Variants in KIAA1958 observed in about 807,000 individuals in gnomAD.
KIAA1958 encodes uncharacterized protein KIAA1958.
In KIAA1958, 14 loss-of-function variants were observed where a neutral mutation model predicts 47.2. That is an observed-to-expected ratio of 0.30 (90% CI 0.20 to 0.46). The LOEUF is 0.46. Ranked by LOEUF, KIAA1958 falls within the 20% of genes least tolerant of loss-of-function variation. The probability of loss-of-function intolerance (pLI) is 1.00; values close to 1 mark genes in which losing one functional copy is unlikely to be tolerated. For synonymous variants in KIAA1958, 354 were observed against 353.3 expected (o/e 1.00, Z -0.02); for missense variants, 803 against 909.2 (o/e 0.88, Z 1.50).
intron 2 of KIAA1958, among the ~76,000 whole-genome samples, chr9:112,597,767 G>T (rs1050608598): frequency 7.9e-5 from 12 of 152,152 alleles, no homozygotes; most frequent in African/African-American, 2.9e-4. Context: ...TATGCAAATA[G>T]TAAAGTTTCT....
At position 112,524,361 on chromosome 9, in the gene KIAA1958, G is replaced by A. The variant is rs565339975; in HGVS notation, c.-25+37243G>A. On this transcript the variant is annotated intron_variant, in intron 1 of 3. Transcript: ENST00000337530. ...AATTCATGGCTTTGGCGTGCTCCGC[G>A]CTTGAAGGGGGTCTAGTTTAGTGAC... Among the ~76,000 whole-genome samples, 3 of 152,346 alleles carry A rather than the reference G, an allele frequency of 2.0e-5. No individual in the cohort carries two copies. The East Asian group carries it at 5.8e-4, about 29-fold the overall frequency.
chr9:112,489,508 T>A (rs1445893795), intron 1 of KIAA1958, among the ~76,000 whole-genome samples: 1 of 150,828 alleles, frequency 6.6e-6, no homozygotes, highest in Non-Finnish European at 1.5e-5. Context: ...TAGATAAGAA[T>A]TTTTTGTTTT....
chr9:112,583,470 T>G (rs1269668099), intron 2 of KIAA1958, among the ~76,000 whole-genome samples: 1 of 152,194 alleles, frequency 6.6e-6, no homozygotes, highest in Non-Finnish European at 1.5e-5. Flanking sequence ...AATTCAATTT[T>G]TAAATGCCTG....
intron 3 of KIAA1958, among the ~76,000 whole-genome samples, chr9:112,646,851 TACTG>T (rs1449401951): frequency 1.3e-5 from 2 of 152,192 alleles, no homozygotes; most frequent in Non-Finnish European, 2.9e-5. Flanking sequence ...AACATAAAGG[TACTG>T]TATTTTGATT....
rs538587113 is a variant in KIAA1958, at chr9:112,508,919, T to C, written c.-25+21801T>C. On this transcript the variant is annotated intron_variant, in intron 1 of 3. Coordinates refer to ENST00000337530, the MANE Select transcript of KIAA1958 (RefSeq NM_133465.4). ...AGGCCATTCACTAATATAGTACTTT[T>C]GCAAAATGAGCAAACATAGCCTGCA... is the stretch of plus-strand genomic sequence containing the variant. Among the ~76,000 whole-genome samples the C allele has an allele frequency of 2.0e-5, 3 of 152,300 alleles. No homozygotes were observed. In the South Asian group the frequency reaches 6.2e-4, roughly 32 times the overall value.
At position 112,635,315 on chromosome 9, in the gene KIAA1958, A is replaced by G. The variant is rs567004187; in HGVS notation, c.1172-10335A>G. ...ACTGAGGCTGGAGTGCAGTGGTGCA[A>G]TCTCGGTTCACTACAACCTCTGCCT... On this transcript the variant is annotated intron_variant, in intron 2 of 3. Coordinates refer to ENST00000337530, the MANE Select transcript of KIAA1958 (RefSeq NM_133465.4). Among the ~76,000 whole-genome samples the G allele has an allele frequency of 2.0e-5, 3 of 147,770 alleles. No homozygotes were observed. In the East Asian group the frequency reaches 6.1e-4, roughly 30 times the overall value.
intron 1 of KIAA1958, among the ~76,000 whole-genome samples, chr9:112,536,691 G>A (rs1475433823): frequency 1.3e-5 from 2 of 152,182 alleles, no homozygotes; most frequent in Non-Finnish European, 2.9e-5. Context: ...GCTGAGGTGA[G>A]GATTGCTTGA....
intron 2 of KIAA1958, among the ~76,000 whole-genome samples, chr9:112,611,802 G>A (rs1220880302): frequency 1.3e-5 from 2 of 152,006 alleles, no homozygotes; most frequent in South Asian, 2.1e-4. Flanking sequence ...AGAGTAAGGA[G>A]GGGATTGAAT....
chr9:112,538,042 G>T (rs750018169), intron 1 of KIAA1958, among the ~76,000 whole-genome samples: 15 of 152,062 alleles, frequency 9.9e-5, no homozygotes, highest in Admixed American at 3.9e-4. Context: ...ATTAAAAAGG[G>T]CATGTCAGGT....
chr9:112,495,703 A>G (rs1051018783), intron 1 of KIAA1958, among the ~76,000 whole-genome samples: 3 of 152,218 alleles, frequency 2.0e-5, no homozygotes, highest in Non-Finnish European at 2.9e-5. Flanking sequence ...ACCCAAATAT[A>G]TGGACTAGAA....
At chr9:112,518,769 AG>A (rs1834484212) in intron 1 of KIAA1958, among the ~76,000 whole-genome samples, 1 of 152,218 alleles carries the variant, frequency 6.6e-6, no homozygotes, top group African/African-American at 2.4e-5. Context: ...AAAGTAAAAT[AG>A]GAAAGAACAG....
At position 112,668,235 on chromosome 9, in the gene KIAA1958, G is replaced by T. The variant is rs746316981; in HGVS notation, c.*8166G>T. The T allele has an allele frequency of 6.6e-6, 1 of 152,092 alleles. No individual in the cohort carries two copies. The highest frequency in any genetic ancestry group is 2.4e-5 in the African/African-American group (1 of 41,398). The allele number at this position is 152,092 out of a possible 1,614,324, so 9.4% of individuals were successfully genotyped here. On this transcript the variant is annotated 3_prime_UTR_variant, in exon 4 of 4. Transcript: ENST00000337530. ...CCCATGTGCTTCTCCATGCTCAAAC[G>T]CAGAACTAAAAATGGGTATAAAGTC...
At chr9:112,636,381 A>G (rs1023754010) in intron 2 of KIAA1958, among the ~76,000 whole-genome samples, 2 of 152,032 alleles carry the variant, frequency 1.3e-5, no homozygotes, top group Admixed American at 1.3e-4. Flanking sequence ...GTTCTTCTTT[A>G]TGTATCAATT....
chr9:112,606,471 C>A (rs753363087), intron 2 of KIAA1958, among the ~76,000 whole-genome samples: 20 of 152,220 alleles, frequency 1.3e-4, no homozygotes, highest in Non-Finnish European at 2.6e-4. Flanking sequence ...TTATTAATCA[C>A]AGCTTCCTTA....
At chr9:112,605,363 C>T (rs1836212220) in intron 2 of KIAA1958, among the ~76,000 whole-genome samples, 1 of 152,090 alleles carries the variant, frequency 6.6e-6, no homozygotes, top group Non-Finnish European at 1.5e-5. Context: ...CTTGGATGTT[C>T]TCCTGTTCCC....
At chr9:112,515,388 C>T (rs1834408843) in intron 1 of KIAA1958, among the ~76,000 whole-genome samples, 1 of 148,900 alleles carries the variant, frequency 6.7e-6, no homozygotes, top group Non-Finnish European at 1.5e-5. Flanking sequence ...GAGGTGTGCC[C>T]AACAGCTCAT....
Position 112,669,275 on chromosome 9 carries a change from A to G in KIAA1958, c.*9206A>G, listed in dbSNP as rs1460386034. 6.6e-6 allele frequency: 1 copy of G among 152,208 alleles called. No individual in the cohort carries two copies. The highest frequency in any genetic ancestry group is 1.5e-5 in the Non-Finnish European group (1 of 68,036). The allele number at this position is 152,208 out of a possible 1,614,324, so 9.4% of individuals were successfully genotyped here. On this transcript the variant is annotated 3_prime_UTR_variant, in exon 4 of 4. Coordinates refer to ENST00000337530, the MANE Select transcript of KIAA1958 (RefSeq NM_133465.4). ...TAGTTGATAGTCCAGTAGTCTGTTA[A>G]CAATTTGTAAGGACCTGGGTTATAT...
At chr9:112,529,659 T>G (rs1197065930) in intron 1 of KIAA1958, among the ~76,000 whole-genome samples, 1 of 152,192 alleles carries the variant, frequency 6.6e-6, no homozygotes, top group Non-Finnish European at 1.5e-5. Context: ...AATACCATCC[T>G]TACCACATCA....
In KIAA1958 at chr9:112,618,244, C is replaced by T. The variant is rs1316229091; in HGVS notation, c.1172-27406C>T. On this transcript the variant is annotated intron_variant, in intron 2 of 3. Coordinates refer to ENST00000337530, the MANE Select transcript of KIAA1958 (RefSeq NM_133465.4). This position sits in a 1 kb window ranked among gnomAD's most constrained non-coding sequence, Gnocchi z 7.1. ...GTAAAGGAAAAGGAAATAAGCCACA[C>T]AAGTCCATGAAGCTCACCTTTGCTG... is the stretch of plus-strand genomic sequence containing the variant. The T allele has an allele frequency of 9.0e-6, 14 of 1,550,634 alleles. No individual in the cohort carries two copies. The highest frequency in any genetic ancestry group is 1.2e-5 in the Non-Finnish European group (14 of 1,147,034).
Sources: allele counts gnomAD v4.1 joint callset (sites outside exome capture counted in the v4.1 genomes callset), GRCh38; gene constraint gnomAD v4.1.1; non-coding constraint Gnocchi (gnomAD v3.1); transcripts MANE v1.5; gene names NCBI Gene and HGNC (gene_info 2026-07-23, HGNC 2026-07-21).